GRID1: variants seen among roughly 807,000 people sequenced by gnomAD.
The protein encoded by GRID1 is glutamate receptor ionotropic, delta-1.
Under a neutral mutation model 98.0 loss-of-function variants are expected in GRID1, and 28 were observed. That is an observed-to-expected ratio of 0.29 (90% CI 0.21 to 0.39). The LOEUF (loss-of-function observed/expected upper bound fraction) is 0.39. GRID1 is among the 10% of genes least tolerant of loss of function. The pLI is 1.00. For missense variants in GRID1, 1,111 were observed against 1,340.5 expected (o/e 0.83, Z 2.67); for synonymous variants, 553 against 538.5 (o/e 1.03, Z -0.37).
intron 8 of GRID1, among the ~76,000 whole-genome samples, chr10:85,737,578 G>C (rs73328658): frequency 0.024 from 3,503 of 148,192 alleles, 133 homozygotes; most frequent in African/African-American, 0.083. Context: ...GAGGCAGGCA[G>C]TTCCACTTCT....
chr10:85,879,560 T>C (rs1293470898), intron 5 of GRID1, among the ~76,000 whole-genome samples: 3 of 152,052 alleles, frequency 2.0e-5, no homozygotes, highest in East Asian at 1.9e-4. Context: ...ATAAAGATGT[T>C]CTTTGAAACC....
chr10:85,871,547 T>G (rs749326565), intron 5 of GRID1, among the ~76,000 whole-genome samples: 4 of 152,192 alleles, frequency 2.6e-5, no homozygotes, highest in Non-Finnish European at 5.9e-5. Context: ...TAACTACAAA[T>G]AGCTACATTT....
chr10:85,980,772 A>G (rs1306139486), intron 4 of GRID1, among the ~76,000 whole-genome samples: 1 of 152,164 alleles, frequency 6.6e-6, no homozygotes, highest in African/African-American at 2.4e-5. Context: ...CCAAACTTGG[A>G]GCCTCAAGAT....
intron 2 of GRID1, among the ~76,000 whole-genome samples, chr10:86,298,223 A>T (rs1472844388): frequency 2.0e-5 from 3 of 152,264 alleles, no homozygotes; most frequent in African/African-American, 7.2e-5. Context: ...TGAAATGATA[A>T]TTATGAAAAC....
At chr10:85,953,382 A>G (rs1842149853) in intron 4 of GRID1, among the ~76,000 whole-genome samples, 1 of 152,206 alleles carries the variant, frequency 6.6e-6, no homozygotes, top group Non-Finnish European at 1.5e-5. Flanking sequence ...AAGGTAGGGC[A>G]GGGAGAGGAT....
chr10:85,829,555 T>C (rs986015290), intron 8 of GRID1, among the ~76,000 whole-genome samples: 3 of 152,140 alleles, frequency 2.0e-5, no homozygotes, highest in Admixed American at 6.5e-5. Flanking sequence ...GAAAACCCCA[T>C]AGTCTCTCCC....
At chr10:85,680,352 C>T (rs995950493) in intron 12 of GRID1, among the ~76,000 whole-genome samples, 3 of 152,178 alleles carry the variant, frequency 2.0e-5, no homozygotes, top group South Asian at 2.1e-4. Context: ...GAGTCTACAG[C>T]TTCCTTCTCC....
intron 4 of GRID1, among the ~76,000 whole-genome samples, chr10:86,024,412 A>T (rs1490049748): frequency 2.0e-5 from 3 of 152,172 alleles, no homozygotes; most frequent in African/African-American, 7.2e-5. Context: ...CTCATCTGTC[A>T]CACATCAAGT....
intron 8 of GRID1, among the ~76,000 whole-genome samples, chr10:85,774,207 A>T (rs1331734239): frequency 1.3e-5 from 2 of 152,174 alleles, no homozygotes; most frequent in East Asian, 3.9e-4. Context: ...CAAACCTGAG[A>T]AAAACAAGCA....
intron 2 of GRID1, among the ~76,000 whole-genome samples, chr10:86,273,614 G>A (rs1326671343): frequency 6.6e-6 from 1 of 152,014 alleles, no homozygotes; most frequent in African/African-American, 2.4e-5. Flanking sequence ...TCTAACTGGT[G>A]TGAGGTAGTA....
intron 2 of GRID1, among the ~76,000 whole-genome samples, chr10:86,265,393 T>C (rs1038798200): frequency 3.3e-5 from 5 of 152,262 alleles, no homozygotes; most frequent in African/African-American, 9.6e-5. Flanking sequence ...CCAGGCACTG[T>C]GCCAAGTGCT....
intron 4 of GRID1, among the ~76,000 whole-genome samples, chr10:86,054,215 G>A (rs1402417055): frequency 6.6e-6 from 1 of 152,062 alleles, no homozygotes; most frequent in Non-Finnish European, 1.5e-5. Context: ...GGACTCACAG[G>A]GAGGCAGAGA....
intron 12 of GRID1, among the ~76,000 whole-genome samples, chr10:85,676,048 A>G (rs1291726591): frequency 6.6e-6 from 1 of 152,220 alleles, no homozygotes; most frequent in Admixed American, 6.5e-5. Flanking sequence ...GCAATGCCAC[A>G]GGGATCACCT....
Position 86,099,411 on chromosome 10 carries a change from C to T in GRID1, c.726+39408G>A, listed in dbSNP as rs539902995. On this transcript the variant is annotated intron_variant, in intron 4 of 15. Coordinates refer to ENST00000327946, the MANE Select transcript of GRID1 (RefSeq NM_017551.3). ...TTCAGAGTCTGGCAGAGAAAACAGA[C>T]GAACACACCACTACAAGAAAATCAT... Among the ~76,000 whole-genome samples the T allele has an allele frequency of 5.0e-4, 76 of 152,264 alleles. 2 individuals carry two copies. The highest frequency in any genetic ancestry group is 3.4e-3 in the Middle Eastern group (1 of 294).
At position 85,843,606 on chromosome 10, in the gene GRID1, G is replaced by A. The variant is rs185998645; in HGVS notation, c.1233+10890C>T. On this transcript the variant is annotated intron_variant, in intron 8 of 15. Coordinates refer to ENST00000327946, the MANE Select transcript of GRID1 (RefSeq NM_017551.3). ...ACTCAACAGTACAATATAAGCAATC[G>A]TCTTAGAAAAACAGGCAAAAGACTT... 5.3e-4 allele frequency among the ~76,000 whole-genome samples: 80 copies of A among 152,046 alleles called. 1 individual carries two copies. Among genetic ancestry groups the A allele is most frequent in the African/African-American group, 1.6e-3 (67 of 41,514 alleles).
intron 3 of GRID1, among the ~76,000 whole-genome samples, chr10:86,204,428 C>G (rs1845996804): frequency 6.6e-6 from 1 of 152,190 alleles, no homozygotes. Flanking sequence ...CAGGACAAGC[C>G]AAGAGCAGGC....
intron 8 of GRID1, among the ~76,000 whole-genome samples, chr10:85,745,927 A>G (rs927655231): frequency 2.6e-5 from 4 of 152,162 alleles, no homozygotes; most frequent in African/African-American, 7.2e-5. Flanking sequence ...GAGTGAAGAA[A>G]CAAAGAAGCA....
intron 4 of GRID1, among the ~76,000 whole-genome samples, chr10:86,090,920 G>C (rs11816483): frequency 0.059 from 8,994 of 152,164 alleles, 632 homozygotes; most frequent in African/African-American, 0.17. Flanking sequence ...CCTTTACCTG[G>C]AGCTGAATCA....
At chr10:85,849,403 G>A (rs1843037075) in intron 8 of GRID1, among the ~76,000 whole-genome samples, 1 of 152,184 alleles carries the variant, frequency 6.6e-6, no homozygotes, top group South Asian at 2.1e-4. Context: ...AATTGACAGA[G>A]AAGTTAGAAG....
Sources: gnomAD v4.1 joint callset for allele counts (sites outside exome capture counted in the v4.1 genomes callset) on GRCh38, gnomAD v4.1.1 for gene constraint, MANE v1.5 for transcripts, NCBI Gene and HGNC (gene_info 2026-07-23, HGNC 2026-07-21) for gene names.